Variants in SLC9A9 observed in about 807,000 individuals in gnomAD.
SLC9A9 encodes sodium/hydrogen exchanger 9.
SLC9A9 carries 62 observed loss-of-function variants against 77.8 expected under a neutral mutation model. The ratio of observed to expected loss-of-function variants is 0.80; its 90% confidence interval spans 0.65 to 0.98. The LOEUF (loss-of-function observed/expected upper bound fraction) is 0.98. SLC9A9 is among the 50% of genes least tolerant of loss of function. The pLI is 0.00. For synonymous variants in SLC9A9, 320 were observed against 283.5 expected (o/e 1.13, Z -1.29); for missense variants, 775 against 774.9 (o/e 1.00, Z 0.00).
chr3:143,848,452 G>T lies in SLC9A9; in HGVS notation c.-130C>A. On this transcript the variant is annotated 5_prime_UTR_variant, in exon 1 of 16. Transcript: ENST00000316549. ...TGCCACTTTAGTTGCTACTTCACAA[G>T]CATTCTGCCCTGGCTTAGTATTCAG... The T allele has an allele frequency of 8.4e-7, 1 of 1,190,662 alleles. No homozygotes were observed. Among genetic ancestry groups the T allele is most frequent in the Non-Finnish European group, 1.2e-6 (1 of 813,798 alleles). 73.8% of individuals were successfully genotyped at this position (1,190,662 alleles called of 1,614,324 possible). A position where few individuals can be genotyped will look rare whatever the true frequency, so the allele number is the denominator to read the frequency against.
rs568103183 is a variant in SLC9A9, at chr3:143,380,902, G to A, written c.1524+1158C>T. Among the ~76,000 whole-genome samples, 20 of 152,236 alleles carry A rather than the reference G, an allele frequency of 1.3e-4. No homozygotes were observed. The South Asian group carries it at 4.1e-3, about 32-fold the overall frequency. On this transcript the variant is annotated intron_variant, in intron 13 of 15. Transcript: ENST00000316549. ...ATGGTGTTATTGGAAAAACAAGCAT[G>A]AAATAAAAGAGAGGGATTCCCTTAG...
chr3:143,375,810 A>G (rs1170945661), intron 13 of SLC9A9, among the ~76,000 whole-genome samples: 1 of 152,192 alleles, frequency 6.6e-6, no homozygotes, highest in East Asian at 1.9e-4. Flanking sequence ...GTGGCAACAG[A>G]TAACTGATCC....
chr3:143,755,596 T>C (rs1405256083), intron 4 of SLC9A9, among the ~76,000 whole-genome samples: 1 of 152,192 alleles, frequency 6.6e-6, no homozygotes, highest in Admixed American at 6.5e-5. Context: ...TGAGGCTCCA[T>C]TGTGGCCACA....
intron 12 of SLC9A9, among the ~76,000 whole-genome samples, chr3:143,443,539 A>G (rs867591208): frequency 6.6e-6 from 1 of 152,208 alleles, no homozygotes; most frequent in African/African-American, 2.4e-5. Context: ...AAGGGATCAT[A>G]GTAGTCTACC....
At chr3:143,846,733 T>C (rs542859230) in intron 1 of SLC9A9, among the ~76,000 whole-genome samples, 1 of 2,050 alleles carries the variant, frequency 4.9e-4, no homozygotes, top group Non-Finnish European at 0.01. Context: ...AAAAAAAGGT[T>C]TTTTTTTTTT....
intron 14 of SLC9A9, among the ~76,000 whole-genome samples, chr3:143,279,047 C>T (rs1440503322): frequency 1.5e-5 from 2 of 132,112 alleles, no homozygotes; most frequent in African/African-American, 8.6e-5. Context: ...CGTTAGCTAA[C>T]ATTTTTTTCA....
At chr3:143,689,946 T>C (rs987966604) in intron 5 of SLC9A9, among the ~76,000 whole-genome samples, 1 of 152,012 alleles carries the variant, frequency 6.6e-6, no homozygotes, top group Non-Finnish European at 1.5e-5. Flanking sequence ...GTGATTTTCT[T>C]TTTAGAATCC....
chr3:143,623,042 T>A (rs532813600), intron 6 of SLC9A9, among the ~76,000 whole-genome samples: 10 of 152,090 alleles, frequency 6.6e-5, no homozygotes, highest in African/African-American at 2.4e-4. Context: ...GGTAAAGAGA[T>A]CAATTCAACA....
chr3:143,346,187 C>A (rs1238030342), intron 14 of SLC9A9, among the ~76,000 whole-genome samples: 1 of 152,066 alleles, frequency 6.6e-6, no homozygotes, highest in Non-Finnish European at 1.5e-5. Context: ...ACTCTCTCAG[C>A]ATAAAAAACC....
In SLC9A9 at chr3:143,370,567, G is replaced by GCGCGCACACACACACA. The variant is rs373398536; in HGVS notation, c.1525-7005_1525-7004insTGTGTGTGTGTGCGCG. Reference sequence around the variant, plus strand: ...TGTACACAAGTATATGCATGTGCGCGCACACACACACACACACACACACAC... The same window carrying GCGCGCACACACACACA: ...TGTACACAAGTATATGCATGTGCGCGCGCGCACACACACACACACACACACACACACACACACACAC... On this transcript the variant is annotated intron_variant, in intron 13 of 15. Transcript: ENST00000316549. Among the ~76,000 whole-genome samples the GCGCGCACACACACACA allele has an allele frequency of 2.2e-4, 31 of 143,416 alleles. No homozygotes were observed. The East Asian group carries it at 3.2e-3, about 15-fold the overall frequency. The allele number at this position is 143,416 out of a possible 152,430, so 94.1% of individuals were successfully genotyped here. A position where few individuals can be genotyped will look rare whatever the true frequency, so the allele number is the denominator to read the frequency against.
At chr3:143,837,693 G>A (rs965928929) in intron 1 of SLC9A9, among the ~76,000 whole-genome samples, 2 of 152,116 alleles carry the variant, frequency 1.3e-5, no homozygotes, top group South Asian at 2.1e-4. Flanking sequence ...CTCCAGCTCC[G>A]GGGATGTTCT....
At position 143,530,480 on chromosome 3, in the gene SLC9A9, C is replaced by T. The variant is rs142275197; in HGVS notation, c.1089+21882G>A. On this transcript the variant is annotated intron_variant, in intron 9 of 15. Coordinates refer to ENST00000316549, the MANE Select transcript of SLC9A9 (RefSeq NM_173653.4). Reference sequence around the variant, plus strand: ...GTGAGGCCTCCCTAGCCACGCAGAGCTGTGAGTCCATTAAACCTCTTTTCC... The same window carrying T: ...GTGAGGCCTCCCTAGCCACGCAGAGTTGTGAGTCCATTAAACCTCTTTTCC... Among the ~76,000 whole-genome samples, 1,079 of 152,274 alleles carry T rather than the reference C, an allele frequency of 7.1e-3. 14 individuals carry two copies. The highest frequency in any genetic ancestry group is 0.025 in the African/African-American group (1,027 of 41,546).
intron 6 of SLC9A9, 70 bp from the exon 7 acceptor site, chr3:143,578,793 A>C: frequency 6.3e-7 from 1 of 1,580,450 alleles, no homozygotes; most frequent in South Asian, 1.1e-5. Flanking sequence ...TTTCGCACCC[A>C]CTTTGGGGAG....
At chr3:143,370,903 A>G (rs1193597759) in intron 13 of SLC9A9, among the ~76,000 whole-genome samples, 1 of 152,064 alleles carries the variant, frequency 6.6e-6, no homozygotes, top group Non-Finnish European at 1.5e-5. Context: ...GGAAGAAATG[A>G]GGTGAGCCCT....
At chr3:143,279,955 G>A (rs1268523469) in intron 14 of SLC9A9, among the ~76,000 whole-genome samples, 3 of 152,246 alleles carry the variant, frequency 2.0e-5, no homozygotes, top group African/African-American at 4.8e-5. Flanking sequence ...GAGTAGCTGG[G>A]ACTACAGGCA....
intron 5 of SLC9A9, among the ~76,000 whole-genome samples, chr3:143,685,280 G>T (rs2108776446): frequency 6.6e-6 from 1 of 151,914 alleles, no homozygotes; most frequent in African/African-American, 2.4e-5. Flanking sequence ...GAAATCTAGG[G>T]TGTATTTATA....
chr3:143,746,861 T>C (rs73154719), intron 4 of SLC9A9, among the ~76,000 whole-genome samples: 9,743 of 152,216 alleles, frequency 0.064, 351 homozygotes, highest in Middle Eastern at 0.075. Context: ...AAATAAAAAC[T>C]TTTTTCTCAT....
At chr3:143,269,317 T>G (rs925986482) in intron 14 of SLC9A9, among the ~76,000 whole-genome samples, 3 of 152,340 alleles carry the variant, frequency 2.0e-5, no homozygotes, top group East Asian at 1.9e-4. Flanking sequence ...CATAAAAGAT[T>G]GTATTTTCTT....
At chr3:143,276,319 G>A (rs1471493387) in intron 14 of SLC9A9, among the ~76,000 whole-genome samples, 3 of 152,228 alleles carry the variant, frequency 2.0e-5, no homozygotes, top group African/African-American at 7.2e-5. Context: ...TCCATCCGAT[G>A]CTACTCCATT....
Sources: allele counts gnomAD v4.1 joint callset (sites outside exome capture counted in the v4.1 genomes callset), GRCh38; gene constraint gnomAD v4.1.1; transcripts MANE v1.5; gene names NCBI Gene and HGNC (gene_info 2026-07-23, HGNC 2026-07-21).